Variants in SNTB1 observed in about 807,000 individuals in gnomAD.
SNTB1 encodes the protein beta-1-syntrophin.
Under a neutral mutation model 48.9 loss-of-function variants are expected in SNTB1, and 36 were observed. That is an observed-to-expected ratio of 0.74 (90% CI 0.56 to 0.97). The LOEUF (loss-of-function observed/expected upper bound fraction) is 0.97, where lower values mean the gene tolerates loss of function less well. Among genes scored for constraint, SNTB1 ranks in the 50% least tolerant of loss-of-function variants. SNTB1 has a pLI of 0.00. For missense variants in SNTB1, 786 were observed against 703.4 expected, an observed-to-expected ratio of 1.12 and a Z score of -1.33; for synonymous variants, 299 against 294.6, an observed-to-expected ratio of 1.01 and a Z score of -0.15.
chr8:120,549,693 T>G (rs1815445919), intron 4 of SNTB1, among the ~76,000 whole-genome samples: 1 of 152,240 alleles, frequency 6.6e-6, no homozygotes, highest in Admixed American at 6.5e-5. Flanking sequence ...CAAAGTGCTC[T>G]GAGGGCCACC....
chr8:120,676,162 A>G (rs949267176), intron 2 of SNTB1, among the ~76,000 whole-genome samples: 9 of 152,266 alleles, frequency 5.9e-5, no homozygotes, highest in African/African-American at 1.4e-4. Flanking sequence ...AACTACAAGC[A>G]TAAATTTGTT....
intron 3 of SNTB1, among the ~76,000 whole-genome samples, chr8:120,583,128 C>T (rs1816075692): frequency 6.6e-6 from 1 of 151,984 alleles, no homozygotes; most frequent in Non-Finnish European, 1.5e-5. Context: ...ATAAATATAG[C>T]ATTAAATGTA....
At chr8:120,609,220 G>T (rs1158930842) in intron 3 of SNTB1, among the ~76,000 whole-genome samples, 1 of 152,166 alleles carries the variant, frequency 6.6e-6, no homozygotes, top group Non-Finnish European at 1.5e-5. Flanking sequence ...TTCCAGGCAA[G>T]AAAAAATATC....
chr8:120,667,579 T>C (rs1286222627), intron 2 of SNTB1, among the ~76,000 whole-genome samples: 1 of 152,182 alleles, frequency 6.6e-6, no homozygotes, highest in Non-Finnish European at 1.5e-5. Flanking sequence ...TTGCCCAGGC[T>C]GGTGTTTGGC....
intron 1 of SNTB1, among the ~76,000 whole-genome samples, chr8:120,781,337 G>C (rs934670495): frequency 1.3e-5 from 2 of 152,174 alleles, no homozygotes; most frequent in Non-Finnish European, 2.9e-5. Context: ...AGCAGACACT[G>C]TGCTTTGCAT....
chr8:120,604,841 C>T (rs1416277367), intron 3 of SNTB1, among the ~76,000 whole-genome samples: 1 of 152,206 alleles, frequency 6.6e-6, no homozygotes, highest in African/African-American at 2.4e-5. Flanking sequence ...GTAACCATTC[C>T]TGGTAAAAAG....
At chr8:120,583,221 C>T (rs1419711727) in intron 3 of SNTB1, among the ~76,000 whole-genome samples, 1 of 152,080 alleles carries the variant, frequency 6.6e-6, no homozygotes, top group African/African-American at 2.4e-5. Flanking sequence ...ACTGGAACAG[C>T]TGGGGATGGT....
intron 2 of SNTB1, among the ~76,000 whole-genome samples, chr8:120,691,756 A>C (rs75980270): frequency 6.6e-6 from 1 of 152,170 alleles, no homozygotes; most frequent in Non-Finnish European, 1.5e-5. Context: ...TTAAAAAAAA[A>C]CATATCTGTA....
intron 3 of SNTB1, among the ~76,000 whole-genome samples, chr8:120,596,843 C>T (rs1368167082): frequency 6.6e-6 from 1 of 152,202 alleles, no homozygotes; most frequent in Non-Finnish European, 1.5e-5. Context: ...AGACTGGGCA[C>T]ATCTGGATAA....
At chr8:120,793,686 T>G (rs1313003513) in intron 1 of SNTB1, among the ~76,000 whole-genome samples, 1 of 152,024 alleles carries the variant, frequency 6.6e-6, no homozygotes, top group Non-Finnish European at 1.5e-5. Flanking sequence ...ATCAGCCTAT[T>G]AAACTTAAAA....
In SNTB1 at chr8:120,548,826, G is replaced by T; in HGVS notation, c.1269C>A (p.His423Gln). Residue 423 changes from histidine (H) to glutamine (Q), a missense_variant, in exon 5 of 7, where the codon CAC (histidine) becomes CAA (glutamine). Coordinates refer to ENST00000517992, the MANE Select transcript of SNTB1 (RefSeq NM_021021.4). ...AACCCTGTACTATGCTCCTTGTCCA[G>T]TGGGAGAGGTCCCTGCTGGTCTCTG... The part of the protein sequence containing the change: ...FRAETSRDLS[H>Q]WTRSIVQGCH... 1 of 1,614,126 alleles carries T rather than the reference G, an allele frequency of 6.2e-7. No individual in the cohort carries two copies. The highest frequency in any genetic ancestry group is 8.5e-7 in the Non-Finnish European group (1 of 1,180,010).
At chr8:120,574,679 TA>T (rs1470277790) in intron 4 of SNTB1, among the ~76,000 whole-genome samples, 1 of 152,170 alleles carries the variant, frequency 6.6e-6, no homozygotes, top group African/African-American at 2.4e-5. Context: ...GAACAAGCCT[TA>T]AAAAGCACAG....
chr8:120,811,195 G>A, intron 1 of SNTB1, 78 bp downstream of exon 1: 1 of 1,512,088 alleles, frequency 6.6e-7, no homozygotes, highest in Non-Finnish European at 8.8e-7. Context: ...CCGAGTGAGT[G>A]TGAGTGTGAG....
chr8:120,664,008 G>T (rs998577063), intron 2 of SNTB1, among the ~76,000 whole-genome samples: 3 of 152,162 alleles, frequency 2.0e-5, no homozygotes, highest in Admixed American at 2.0e-4. Context: ...CTAGGCATAG[G>T]AAGACAGGGG....
chr8:120,804,548 C>G (rs1820294042), intron 1 of SNTB1, among the ~76,000 whole-genome samples: 1 of 152,088 alleles, frequency 6.6e-6, no homozygotes, highest in South Asian at 2.1e-4. Flanking sequence ...ATCTGATTTC[C>G]AGCACCTGTT....
intron 2 of SNTB1, among the ~76,000 whole-genome samples, chr8:120,639,267 C>A (rs1817142748): frequency 6.6e-6 from 1 of 151,954 alleles, no homozygotes. Flanking sequence ...TGTTTGAGTT[C>A]TTTGTAGATT....
intron 4 of SNTB1, chr8:120,570,136 A>C (rs1330635658): frequency 6.6e-6 from 1 of 152,218 alleles, no homozygotes; most frequent in East Asian, 1.9e-4. Context: ...AAACCTGGTT[A>C]CAGGATAGGA....
At chr8:120,779,101 G>T (rs576199572) in intron 1 of SNTB1, among the ~76,000 whole-genome samples, 1 of 152,326 alleles carries the variant, frequency 6.6e-6, no homozygotes, top group Admixed American at 6.5e-5. Flanking sequence ...TTGGATGTCA[G>T]GCTATGAAGT....
At chr8:120,560,569 G>C (rs962696934) in intron 4 of SNTB1, among the ~76,000 whole-genome samples, 25 of 152,340 alleles carry the variant, frequency 1.6e-4, no homozygotes, top group African/African-American at 5.8e-4. Flanking sequence ...GTCTCAGAAA[G>C]TTGATATTGA....
Sources: gnomAD v4.1 joint callset for allele counts (sites outside exome capture counted in the v4.1 genomes callset) on GRCh38, gnomAD v4.1.1 for gene constraint, MANE v1.5 for transcripts, NCBI Gene and HGNC (gene_info 2026-07-23, HGNC 2026-07-21) for gene names.